OTOA: variants seen among roughly 807,000 people sequenced by gnomAD.
OTOA encodes cancer/testis antigen 108.
A neutral mutation model predicts 110.8 loss-of-function variants in OTOA; 70 were observed. The ratio of observed to expected loss-of-function variants is 0.63; its 90% confidence interval spans 0.52 to 0.77. The LOEUF (loss-of-function observed/expected upper bound fraction) is 0.77, where lower values mean the gene tolerates loss of function less well. OTOA is among the 30% of genes least tolerant of loss of function. The pLI is 0.00. For missense variants in OTOA, 917 were observed against 1,075.8 expected (o/e 0.85, Z 2.06); for synonymous variants, 373 against 431.5 (o/e 0.86, Z 1.68).
At position 21,684,764 on chromosome 16, in the gene OTOA, TA is replaced by T. The variant is rs1382580395; in HGVS notation, c.268-465del. On this transcript the variant is annotated intron_variant, in intron 6 of 28. Transcript: ENST00000646100. Reference sequence around the variant, plus strand: ...TTATTATTATTATTATTATTATTATTATTTTTTAGGTGGAGTCTCGCTCTGT... The same window carrying T: ...TTATTATTATTATTATTATTATTATTTTTTTTAGGTGGAGTCTCGCTCTGT... 6.1e-3 allele frequency among the ~76,000 whole-genome samples: 91 copies of T among 14,942 alleles called. 1 individual carries two copies. The highest frequency in any genetic ancestry group is 9.1e-3 in the African/African-American group (82 of 9,058). 9.8% of individuals were successfully genotyped at this position (14,942 alleles called of 152,430 possible).
At chr16:21,709,837 G>A (rs1201225634) in intron 12 of OTOA, 51 bp from the exon 13 acceptor site, 2 of 1,505,864 alleles carry the variant, frequency 1.3e-6, no homozygotes, top group Admixed American at 3.3e-5. Context: ...GTCAGAGGGA[G>A]CCACCGCCCT....
chr16:21,699,641 G>A lies in OTOA; in HGVS notation c.841-1247G>A, dbSNP rs1463222354. ...AAAAGAGTGAGACTGTGTCTTGGCC[G>A]GGCGCAGTGGCTCACGCCTCTACTC... On this transcript the variant is annotated intron_variant, in intron 10 of 28. Transcript: ENST00000646100. 7.2e-5 allele frequency among the ~76,000 whole-genome samples: 11 copies of A among 151,966 alleles called. No homozygotes were observed. In the South Asian group the frequency reaches 1.9e-3, roughly 26 times the overall value.
intron 9 of OTOA, among the ~76,000 whole-genome samples, chr16:21,695,892 T>TATATATATATATATATATGTA (rs377002847): frequency 4.7e-5 from 1 of 21,086 alleles, no homozygotes; most frequent in African/African-American, 2.3e-4. Flanking sequence ...TATATATATA[T>TATATATATATATATATATGTA]TTTTTTTTTT....
chr16:21,719,059 T>C (rs1366305177), intron 15 of OTOA, 74 bp from the exon 16 acceptor site: 5 of 1,440,156 alleles, frequency 3.5e-6, no homozygotes, highest in Admixed American at 1.7e-5. Flanking sequence ...TGGAATGCCT[T>C]CCTGATAGGG....
intron 27 of OTOA, among the ~76,000 whole-genome samples, chr16:21,755,879 C>A (rs1334425473): frequency 1.3e-5 from 2 of 152,298 alleles, no homozygotes; most frequent in African/African-American, 4.8e-5. Context: ...CAGGAAGATG[C>A]TGCCTCTAGG....
intron 8 of OTOA, 61 bp downstream of exon 8, chr16:21,687,709 C>T (rs1234308605): frequency 6.9e-7 from 1 of 1,442,822 alleles, no homozygotes; most frequent in Non-Finnish European, 9.5e-7. Context: ...ACTCTGTCGC[C>T]CAGGTTGGAG....
chr16:21,733,422 G>A (rs956980455), intron 21 of OTOA, among the ~76,000 whole-genome samples: 1 of 152,130 alleles, frequency 6.6e-6, no homozygotes, highest in Non-Finnish European at 1.5e-5. Context: ...GAATCTTTAG[G>A]GGCTGGCTCT....
At chr16:21,723,713 G>A (rs1240956748) in intron 18 of OTOA, among the ~76,000 whole-genome samples, 4 of 152,112 alleles carry the variant, frequency 2.6e-5, no homozygotes, top group African/African-American at 9.7e-5. Context: ...GGCATGGCTC[G>A]ATCTAGGGGT....
chr16:21,704,912 T>C (rs1459137194), intron 11 of OTOA: 1 of 780,846 alleles, frequency 1.3e-6, no homozygotes, highest in Non-Finnish European at 2.4e-6. Context: ...CCAGGACTCA[T>C]TCTGATTGGA....
chr16:21,736,077 G>A (rs1899285248), intron 21 of OTOA, among the ~76,000 whole-genome samples, 184 bp from the exon 22 acceptor site: 1 of 152,202 alleles, frequency 6.6e-6, no homozygotes, highest in African/African-American at 2.4e-5. Flanking sequence ...TATTGAAGTT[G>A]AGTATCATTT....
chr16:21,695,821 G>T (rs1474010647), intron 9 of OTOA, among the ~76,000 whole-genome samples: 1 of 142,228 alleles, frequency 7.0e-6, no homozygotes, highest in Admixed American at 7.2e-5. Flanking sequence ...AGCATTGGCA[G>T]CCACTTCCAG....
chr16:21,735,274 G>A (rs1009878999), intron 21 of OTOA, among the ~76,000 whole-genome samples: 18 of 152,094 alleles, frequency 1.2e-4, no homozygotes, highest in Non-Finnish European at 2.2e-4. Context: ...GGCGGAAGGC[G>A]AAGGGGGAGC....
chr16:21,699,600 G>A (rs2141674382), intron 10 of OTOA, among the ~76,000 whole-genome samples: 1 of 152,110 alleles, frequency 6.6e-6, no homozygotes, highest in African/African-American at 2.4e-5. Flanking sequence ...TCACACCACT[G>A]CACCCAAGCC....
intron 9 of OTOA, among the ~76,000 whole-genome samples, chr16:21,695,887 A>AT (rs1205590889): frequency 0.035 from 2,136 of 61,300 alleles, 134 homozygotes; most frequent in African/African-American, 0.055. Context: ...ATATATATAT[A>AT]TATATTTTTT....
chr16:21,706,580 A>G (rs1477086656), intron 12 of OTOA, among the ~76,000 whole-genome samples: 1 of 151,950 alleles, frequency 6.6e-6, no homozygotes, highest in East Asian at 1.9e-4. Context: ...GCTCTCTCTC[A>G]TTTTCCTTCC....
intron 13 of OTOA, 88 bp downstream of exon 13, chr16:21,710,191 G>T (rs1898314741): frequency 7.8e-7 from 1 of 1,277,192 alleles, no homozygotes; most frequent in Admixed American, 2.0e-5. Context: ...ATATACTGTA[G>T]ATTGAGTGAC....
chr16:21,686,220 G>A (rs1897708368), intron 7 of OTOA, among the ~76,000 whole-genome samples: 1 of 152,008 alleles, frequency 6.6e-6, no homozygotes, highest in Non-Finnish European at 1.5e-5. Context: ...GGATTGTCAT[G>A]AGAATTAATC....
At position 21,726,589 on chromosome 16, in the gene OTOA, C is replaced by T. The variant is rs1898925499; in HGVS notation, c.1947C>T (p.Ser649=). ...CCTTTCTGATCAGCCTGGGGAAGAG[C>T]TGGTTGGACTCCTTGGTTTTAGATT... The part of the protein sequence containing the change: ...CVPFLISLGK[S]WLDSLVLDSH... The change falls in exon 19 of 29, where the codon AGC becomes AGT. Residue 649 remains serine, a synonymous_variant. Transcript: ENST00000646100. The T allele has an allele frequency of 1.2e-6, 2 of 1,614,046 alleles. No homozygotes were observed. Among genetic ancestry groups the T allele is most frequent in the Non-Finnish European group, 1.7e-6 (2 of 1,180,006 alleles).
At chr16:21,703,001 A>T (rs1279690609) in intron 11 of OTOA, among the ~76,000 whole-genome samples, 9 of 152,234 alleles carry the variant, frequency 5.9e-5, no homozygotes, top group African/African-American at 1.2e-4. Context: ...TTATTTTTTT[A>T]AATTGATAAA....
Sources: gnomAD v4.1 joint callset for allele counts (sites outside exome capture counted in the v4.1 genomes callset) on GRCh38, gnomAD v4.1.1 for gene constraint, MANE v1.5 for transcripts, NCBI Gene and HGNC (gene_info 2026-07-23, HGNC 2026-07-21) for gene names.